Variants in FOXJ3 observed in about 807,000 individuals in gnomAD.
FOXJ3 encodes the protein forkhead box protein J3.
FOXJ3 carries 22 observed loss-of-function variants against 76.1 expected under a neutral mutation model. That is an observed-to-expected ratio of 0.29 (90% CI 0.21 to 0.41). The LOEUF (loss-of-function observed/expected upper bound fraction) is 0.41. FOXJ3 is among the 10% of genes least tolerant of loss of function. The pLI, the probability that FOXJ3 is intolerant of heterozygous loss-of-function variation, is 1.00. For missense variants in FOXJ3, 613 were observed against 762.1 expected, an observed-to-expected ratio of 0.80 and a Z score of 2.30; for synonymous variants, 269 against 261.2, an observed-to-expected ratio of 1.03 and a Z score of -0.29.
chr1:42,208,064 T>A (rs1440271443), intron 5 of FOXJ3, among the ~76,000 whole-genome samples: 2 of 152,216 alleles, frequency 1.3e-5, no homozygotes, highest in African/African-American at 4.8e-5. Context: ...GTTATCTGAT[T>A]TCATGTAAAT....
chr1:42,238,352 A>G (rs1242485352), intron 4 of FOXJ3, among the ~76,000 whole-genome samples: 1 of 152,024 alleles, frequency 6.6e-6, no homozygotes. Context: ...TTTTATCTTA[A>G]TTATTGTTAA....
At chr1:42,295,871 C>A (rs1653755791) in intron 2 of FOXJ3, among the ~76,000 whole-genome samples, 1 of 152,072 alleles carries the variant, frequency 6.6e-6, no homozygotes, top group South Asian at 2.1e-4. Context: ...TGGGCAGATA[C>A]CCCCAGTAGT....
chr1:42,322,363 TG>T lies in FOXJ3; in HGVS notation c.-17-11254del, dbSNP rs570590528. On this transcript the variant is annotated intron_variant, in intron 1 of 12. Transcript: ENST00000361346. The stretch of plus-strand genomic sequence containing the variant: ...TATTTTGTTAGATACAATGATGGCA[TG>T]GGTAATATAAGAAAATATTTACATT... Among the ~76,000 whole-genome samples the T allele has an allele frequency of 2.3e-3, 350 of 152,094 alleles. 2 individuals are homozygous for T. The highest frequency in any genetic ancestry group is 0.021 in the Admixed American group (325 of 15,256).
In FOXJ3 at chr1:42,232,630, C is replaced by T. The variant is rs1248429140; in HGVS notation, c.445-4664G>A. On this transcript the variant is annotated intron_variant, in intron 4 of 12. Transcript: ENST00000361346. ...AGTGTCTGTTCATATCCTTCGCCCA[C>T]TTTTTGATGGGGCTGTTTTTTTCTT... Among the ~76,000 whole-genome samples, 3 of 151,720 alleles carry T rather than the reference C, an allele frequency of 2.0e-5. No individual in the cohort carries two copies. In the East Asian group the frequency reaches 5.8e-4, roughly 29 times the overall value.
chr1:42,320,013 A>T (rs1379363971), intron 1 of FOXJ3, among the ~76,000 whole-genome samples: 1 of 152,228 alleles, frequency 6.6e-6, no homozygotes, highest in Non-Finnish European at 1.5e-5. Context: ...TATCAAGGAA[A>T]CTACCACTAT....
intron 5 of FOXJ3, among the ~76,000 whole-genome samples, chr1:42,211,677 G>T (rs1646968144): frequency 6.6e-6 from 1 of 152,182 alleles, no homozygotes; most frequent in Non-Finnish European, 1.5e-5. Flanking sequence ...AACAAGATAA[G>T]CTTCAAGAGA....
chr1:42,215,246 T>G (rs1307816687), intron 5 of FOXJ3, among the ~76,000 whole-genome samples: 4 of 151,532 alleles, frequency 2.6e-5, no homozygotes, highest in Non-Finnish European at 5.9e-5. Context: ...GAAATAAAGT[T>G]AAAAAAAACT....
chr1:42,256,723 T>C (rs994588668), intron 4 of FOXJ3, among the ~76,000 whole-genome samples: 4 of 152,246 alleles, frequency 2.6e-5, no homozygotes, highest in Admixed American at 1.3e-4. Flanking sequence ...CCAGTAATTC[T>C]ATCCTTCAGG....
At chr1:42,306,300 T>TTTTTTTTTTTG in intron 2 of FOXJ3, among the ~76,000 whole-genome samples, 2 of 15,192 alleles carry the variant, frequency 1.3e-4, no homozygotes, top group Non-Finnish European at 4.2e-4. Flanking sequence ...ACTTTTTTCT[T>TTTTTTTTTTTG]TTTTTTTTTT....
intron 3 of FOXJ3, among the ~76,000 whole-genome samples, chr1:42,274,065 C>T (rs1652071695): frequency 6.6e-6 from 1 of 152,170 alleles, no homozygotes; most frequent in African/African-American, 2.4e-5. Flanking sequence ...TCTTATTGGG[C>T]TTTCTAAGCC....
chr1:42,191,498 G>C lies in FOXJ3; in HGVS notation c.1156C>G (p.Arg386Gly), dbSNP rs987208836. The C allele has an allele frequency of 3.1e-6, 5 of 1,613,884 alleles. No individual in the cohort carries two copies. Among genetic ancestry groups the C allele is most frequent in the Non-Finnish European group, 4.2e-6 (5 of 1,179,962 alleles). The change falls in exon 9 of 13, where the codon CGA (arginine) becomes GGA (glycine). Residue 386 changes from arginine to glycine, a missense_variant. By Grantham distance (125) the Arg-to-Gly change is moderately radical. Coordinates refer to ENST00000361346, the MANE Select transcript of FOXJ3 (RefSeq NM_014947.5). ...HTQPSPHPPH[R>G]PHGLPQHPQR... ...GGATGCTGCGGTAAACCATGCGGTC[G>C]ATGGGGAGGATGTGGAGATGGCTGT...
chr1:42,257,391 A>G (rs1178641457), intron 4 of FOXJ3, among the ~76,000 whole-genome samples: 2 of 152,120 alleles, frequency 1.3e-5, no homozygotes, highest in East Asian at 1.9e-4. Flanking sequence ...TAAACTTCAG[A>G]AAAAAATCAA....
At chr1:42,269,498 T>C (rs1226675463) in intron 3 of FOXJ3, among the ~76,000 whole-genome samples, 3 of 152,172 alleles carry the variant, frequency 2.0e-5, no homozygotes, top group Admixed American at 6.5e-5. Context: ...CCAATCTCAG[T>C]TACAGCCAAT....
intron 2 of FOXJ3, among the ~76,000 whole-genome samples, chr1:42,280,083 T>A (rs113552356): frequency 6.6e-6 from 1 of 152,100 alleles, no homozygotes; most frequent in East Asian, 1.9e-4. Context: ...AGTTTCCTCA[T>A]CTGTAAAATG....
At chr1:42,183,031 T>G (rs1410099724) in intron 11 of FOXJ3, among the ~76,000 whole-genome samples, 7 of 149,464 alleles carry the variant, frequency 4.7e-5, no homozygotes, top group Non-Finnish European at 1.0e-4. Flanking sequence ...TCCCAGCACT[T>G]TGGGAGGCAG....
intron 11 of FOXJ3, 116 bp from the exon 12 acceptor site, chr1:42,182,140 G>A: frequency 3.3e-6 from 2 of 610,010 alleles, no homozygotes; most frequent in South Asian, 2.0e-5. Flanking sequence ...GTAAAATAAG[G>A]AGAAAGGGGG....
At chr1:42,301,659 T>C (rs539904510) in intron 2 of FOXJ3, among the ~76,000 whole-genome samples, 1 of 152,252 alleles carries the variant, frequency 6.6e-6, no homozygotes, top group African/African-American at 2.4e-5. Context: ...GAATTTTTCA[T>C]TTCCAAAAGA....
intron 2 of FOXJ3, among the ~76,000 whole-genome samples, chr1:42,297,591 T>C (rs1482711719): frequency 3.9e-5 from 6 of 152,208 alleles, no homozygotes; most frequent in African/African-American, 1.4e-4. Flanking sequence ...GCTTAAACAT[T>C]CTTGCATCCC....
chr1:42,297,002 C>T lies in FOXJ3; in HGVS notation c.44+14048G>A, dbSNP rs924047059. Among the ~76,000 whole-genome samples the T allele has an allele frequency of 2.0e-5, 3 of 152,180 alleles. No individual in the cohort carries two copies. The East Asian group carries it at 5.8e-4, about 29-fold the overall frequency. Reference sequence around the variant, plus strand: ...TCCATTGGTGTTATATAGTTCTCCTCGTAAAGATCTTTCACCTCCTTGGTT... The same window carrying T: ...TCCATTGGTGTTATATAGTTCTCCTTGTAAAGATCTTTCACCTCCTTGGTT... On this transcript the variant is annotated intron_variant, in intron 2 of 12. Transcript: ENST00000361346.
Sources: allele counts gnomAD v4.1 joint callset (sites outside exome capture counted in the v4.1 genomes callset), GRCh38; gene constraint gnomAD v4.1.1; transcripts MANE v1.5; gene names NCBI Gene and HGNC (gene_info 2026-07-23, HGNC 2026-07-21).